Variants in KIF17 observed in about 807,000 individuals in gnomAD.
The protein encoded by KIF17 is kinesin-like protein KIF17.
KIF17 carries 80 observed loss-of-function variants against 96.8 expected under a neutral mutation model. The observed-to-expected ratio is 0.83, with a 90% CI of 0.69 to 1.00. The LOEUF is 1.00. Among genes scored for constraint, KIF17 ranks in the 50% least tolerant of loss-of-function variants. KIF17 has a pLI of 0.00. For missense variants in KIF17, 1,280 were observed against 1,372.9 expected, an observed-to-expected ratio of 0.93 and a Z score of 1.07; for synonymous variants, 567 against 587.5, an observed-to-expected ratio of 0.97 and a Z score of 0.51.
At chr1:20,696,675 C>T (rs1192025506) in intron 6 of KIF17, among the ~76,000 whole-genome samples, 2 of 152,068 alleles carry the variant, frequency 1.3e-5, no homozygotes, top group Non-Finnish European at 2.9e-5. Context: ...AGGAAGCCTC[C>T]GTCCCCGTCC....
At chr1:20,675,744 G>T (rs777940068) in intron 11 of KIF17, among the ~76,000 whole-genome samples, 11 of 152,214 alleles carry the variant, frequency 7.2e-5, no homozygotes, top group Non-Finnish European at 1.5e-4. Context: ...TGAATCTGTA[G>T]ATCAATTTGA....
At chr1:20,716,942 C>G (rs569130145) in intron 1 of KIF17, among the ~76,000 whole-genome samples, 6 of 152,110 alleles carry the variant, frequency 3.9e-5, no homozygotes, top group Non-Finnish European at 8.8e-5. Flanking sequence ...GTTCTGAGAC[C>G]CCAAGGGCCC....
intron 6 of KIF17, among the ~76,000 whole-genome samples, chr1:20,697,448 A>G (rs1206933256): frequency 6.6e-6 from 1 of 151,544 alleles, no homozygotes; most frequent in African/African-American, 2.4e-5. Flanking sequence ...TCTACAAAAA[A>G]ATTTAAAAAT....
chr1:20,669,536 G>GAAA (rs1260978632), intron 13 of KIF17, among the ~76,000 whole-genome samples: 2 of 49,410 alleles, frequency 4.0e-5, no homozygotes, highest in East Asian at 7.8e-4. Context: ...ACTCTGTCTC[G>GAAA]AAATAATAAT....
chr1:20,663,035 CTGGCCAACA>C (rs200977560), downstream of KIF17, among the ~76,000 whole-genome samples: 1,584 of 152,254 alleles, frequency 0.01, 20 homozygotes, highest in African/African-American at 0.035. Flanking sequence ...CGTGACCAGC[CTGGCCAACA>C]TGGTGAAACC....
At chr1:20,663,417 A>G (rs2053471406), downstream of KIF17, among the ~76,000 whole-genome samples, 1 of 152,064 alleles carries the variant, frequency 6.6e-6, no homozygotes, top group Non-Finnish European at 1.5e-5. Flanking sequence ...CAAAATAGGG[A>G]GGAGGAGGAC....
intron 3 of KIF17, among the ~76,000 whole-genome samples, chr1:20,712,954 T>C (rs1305651265): frequency 7.4e-6 from 1 of 135,774 alleles, no homozygotes; most frequent in Admixed American, 8.3e-5. Flanking sequence ...CTATATTATC[T>C]ATATTATATA....
At position 20,672,638 on chromosome 1, in the gene KIF17, A is replaced by C. The variant is rs897239699; in HGVS notation, c.2464-442T>G. On this transcript the variant is annotated intron_variant, in intron 11 of 14. Transcript: ENST00000400463. This position sits in a 1 kb window ranked among gnomAD's most constrained non-coding sequence, Gnocchi z 4.3. ...AAGTGACATCTCTAAGGAGGACAAC[A>C]GGCACAAACTCTCCGACTTGACAAT... Among the ~76,000 whole-genome samples, 1 of 152,228 alleles carries C rather than the reference A, an allele frequency of 6.6e-6. No individual in the cohort carries two copies.
intron 6 of KIF17, among the ~76,000 whole-genome samples, chr1:20,691,270 T>C (rs946778673): frequency 2.7e-5 from 4 of 150,610 alleles, no homozygotes; most frequent in African/African-American, 9.7e-5. Context: ...CCAGCCTGGG[T>C]GACAGAGTGA....
chr1:20,692,101 GCTC>G (rs1385961695), intron 6 of KIF17, among the ~76,000 whole-genome samples: 14 of 152,276 alleles, frequency 9.2e-5, no homozygotes, highest in African/African-American at 3.4e-4. Context: ...TGAAATCTAA[GCTC>G]CTCAACTTGA....
Position 20,682,628 on chromosome 1 carries a change from ATGGGGGGC to A in KIF17, c.2463+17_2463+24del. The A allele has an allele frequency of 6.2e-7, 1 of 1,607,286 alleles. No homozygotes were observed. The highest frequency in any genetic ancestry group is 8.5e-7 in the Non-Finnish European group (1 of 1,174,196). On this transcript the variant is annotated intron_variant, in intron 11 of 14. Transcript: ENST00000400463. Reference sequence around the variant, plus strand: ...CTCACCCATCTCTGGGCAGCTGGGCATGGGGGGCTGCATCTGGGCCTCACCTTCCTCTG... The same window carrying A: ...CTCACCCATCTCTGGGCAGCTGGGCATGCATCTGGGCCTCACCTTCCTCTG...
chr1:20,670,378 C>T (rs1299350450), intron 13 of KIF17, 43 bp downstream of exon 13: 6 of 1,574,084 alleles, frequency 3.8e-6, no homozygotes, highest in Non-Finnish European at 5.2e-6. Context: ...GGGCAAAGCC[C>T]TCCCAGCCCC....
intron 2 of KIF17, among the ~76,000 whole-genome samples, chr1:20,715,186 T>C (rs184897472): frequency 9.9e-5 from 15 of 152,260 alleles, no homozygotes; most frequent in Non-Finnish European, 1.6e-4. Flanking sequence ...TCCATAACAA[T>C]TGCTCAATAA....
rs2054302712 is a variant in KIF17 at position 20,704,435 on chromosome 1, A to T, written c.1123+12T>A. ...ACCTGGCCCTCCCGCCACTACCCCA[A>T]CGTGGTCCCACCTGACAGGCTGCTG... is the stretch of plus-strand genomic sequence containing the variant. On this transcript the variant is annotated intron_variant, in intron 5 of 14. Coordinates refer to ENST00000400463, the MANE Select transcript of KIF17 (RefSeq NM_001122819.3). The surrounding 1 kb of genome is among the most constrained non-coding windows in gnomAD (Gnocchi z 6.8). 6.2e-7 allele frequency: 1 copy of T among 1,611,514 alleles called. No individual in the cohort carries two copies. The highest frequency in any genetic ancestry group is 8.5e-7 in the Non-Finnish European group (1 of 1,178,372).
At chr1:20,668,463 G>A (rs1205072421) in intron 13 of KIF17, among the ~76,000 whole-genome samples, 1 of 152,182 alleles carries the variant, frequency 6.6e-6, no homozygotes, top group Non-Finnish European at 1.5e-5. Flanking sequence ...GGAGCTGAAA[G>A]CATTCTGACA....
At chr1:20,666,634 G>A (rs1038599511) in intron 13 of KIF17, among the ~76,000 whole-genome samples, 2 of 152,160 alleles carry the variant, frequency 1.3e-5, no homozygotes, top group Non-Finnish European at 2.9e-5. Flanking sequence ...AGGGTGTCCT[G>A]CCAGCTCCAA....
chr1:20,711,074 G>A (rs1480098855), intron 3 of KIF17, among the ~76,000 whole-genome samples: 1 of 152,018 alleles, frequency 6.6e-6, no homozygotes, highest in Non-Finnish European at 1.5e-5. Flanking sequence ...CTTGCTGGTT[G>A]GGGAGGTTAA....
At chr1:20,702,885 G>C (rs2054262111) in intron 5 of KIF17, among the ~76,000 whole-genome samples, 1 of 152,158 alleles carries the variant, frequency 6.6e-6, no homozygotes, top group African/African-American at 2.4e-5. Context: ...TCTTCCTCAG[G>C]AGATTAGGTA....
chr1:20,707,620 T>G (rs925706292), intron 4 of KIF17, among the ~76,000 whole-genome samples: 16 of 151,256 alleles, frequency 1.1e-4, no homozygotes, highest in African/African-American at 3.9e-4. Context: ...AACATAAAAA[T>G]TAGCTGGGTG....
Sources: gnomAD v4.1 joint callset for allele counts (sites outside exome capture counted in the v4.1 genomes callset) on GRCh38, gnomAD v4.1.1 for gene constraint, Gnocchi (gnomAD v3.1) non-coding constraint, MANE v1.5 for transcripts, NCBI Gene and HGNC (gene_info 2026-07-23, HGNC 2026-07-21) for gene names.